OXR1: variants seen among roughly 807,000 people sequenced by gnomAD.
OXR1 encodes oxidation resistance protein 1.
OXR1 carries 41 observed loss-of-function variants against 104.6 expected under a neutral mutation model. The ratio of observed to expected loss-of-function variants is 0.39; its 90% CI spans 0.31 to 0.51. The LOEUF (loss-of-function observed/expected upper bound fraction) is 0.51, where lower values mean the gene tolerates loss of function less well. Ranked by LOEUF, OXR1 falls within the 20% of genes least tolerant of loss-of-function variation. OXR1 has a pLI of 0.77. For missense variants in OXR1, 955 were observed against 1,031.9 expected (o/e 0.93, Z 1.02); for synonymous variants, 348 against 348.4 (o/e 1.00, Z 0.01).
At chr8:106,512,904 A>G (rs1812631960) in intron 2 of OXR1, among the ~76,000 whole-genome samples, 1 of 152,190 alleles carries the variant, frequency 6.6e-6, no homozygotes, top group African/African-American at 2.4e-5. Context: ...TATTGAAATA[A>G]AGAATTGACC....
intron 1 of OXR1, among the ~76,000 whole-genome samples, chr8:106,331,997 AGTGTGTGTGTGTGTGTGTGTGTGT>A (rs3073756): frequency 7.2e-6 from 1 of 138,080 alleles, no homozygotes; most frequent in Admixed American, 7.3e-5. Flanking sequence ...GAAAGAACAT[AGTGTGTGTGTGTGTGTGTGTGTGT>A]GTGTGTGTGT....
chr8:106,364,184 C>T (rs1196970213), intron 2 of OXR1, among the ~76,000 whole-genome samples: 1 of 152,154 alleles, frequency 6.6e-6, no homozygotes, highest in African/African-American at 2.4e-5. Context: ...ATCTTCATTA[C>T]ATATGTATAT....
chr8:106,411,593 C>T (rs944315870), intron 2 of OXR1, among the ~76,000 whole-genome samples: 2 of 152,160 alleles, frequency 1.3e-5, no homozygotes, highest in African/African-American at 4.8e-5. Flanking sequence ...ATAGATGACA[C>T]CTACTTTCTG....
chr8:106,336,892 G>A (rs964748694), intron 1 of OXR1, among the ~76,000 whole-genome samples: 1 of 152,102 alleles, frequency 6.6e-6, no homozygotes, highest in Non-Finnish European at 1.5e-5. Flanking sequence ...ATTACCTAGA[G>A]TCATTTAGAT....
intron 1 of OXR1, among the ~76,000 whole-genome samples, chr8:106,291,149 G>A (rs1444911122): frequency 1.3e-5 from 2 of 152,180 alleles, no homozygotes; most frequent in Non-Finnish European, 2.9e-5. Flanking sequence ...CAGCAACATG[G>A]ATGGAGATGG....
chr8:106,540,313 C>A (rs755593816), intron 3 of OXR1, among the ~76,000 whole-genome samples: 7 of 151,996 alleles, frequency 4.6e-5, no homozygotes, highest in Admixed American at 6.6e-5. Context: ...GGTAAAAGTT[C>A]CAGAAAGATC....
intron 3 of OXR1, among the ~76,000 whole-genome samples, chr8:106,566,690 A>G (rs760516615): frequency 2.6e-5 from 4 of 152,208 alleles, no homozygotes; most frequent in Non-Finnish European, 5.9e-5. Flanking sequence ...TTATAGCACT[A>G]TTCACAATAG....
At chr8:106,292,998 G>C (rs1353587892) in intron 1 of OXR1, among the ~76,000 whole-genome samples, 1 of 152,202 alleles carries the variant, frequency 6.6e-6, no homozygotes, top group African/African-American at 2.4e-5. Flanking sequence ...TGAGAAGTAA[G>C]GACTGCTTGG....
chr8:106,295,492 T>G (rs1812957067), intron 1 of OXR1, among the ~76,000 whole-genome samples: 1 of 152,176 alleles, frequency 6.6e-6, no homozygotes, highest in South Asian at 2.1e-4. Flanking sequence ...TATGCACGAC[T>G]CATTATATGC....
At chr8:106,407,483 A>T (rs964754124) in intron 2 of OXR1, among the ~76,000 whole-genome samples, 1 of 152,342 alleles carries the variant, frequency 6.6e-6, no homozygotes, top group Non-Finnish European at 1.5e-5. Flanking sequence ...TAAGAAACAG[A>T]TTTATCAAAG....
At chr8:106,681,603 C>A (rs1286446612) in intron 4 of OXR1, among the ~76,000 whole-genome samples, 1 of 152,102 alleles carries the variant, frequency 6.6e-6, no homozygotes, top group Non-Finnish European at 1.5e-5. Flanking sequence ...CAGCTCACTG[C>A]AGCCTCAACT....
At chr8:106,740,666 G>A (rs1330211455) in intron 14 of OXR1, among the ~76,000 whole-genome samples, 171 bp downstream of exon 14, 1 of 152,140 alleles carries the variant, frequency 6.6e-6, no homozygotes, top group African/African-American at 2.4e-5. Flanking sequence ...GGATAGATAT[G>A]AGCATGATGA....
chr8:106,523,845 G>A (rs1451667821), intron 3 of OXR1, among the ~76,000 whole-genome samples: 1 of 151,852 alleles, frequency 6.6e-6, no homozygotes, highest in Non-Finnish European at 1.5e-5. Context: ...CACGATCTCG[G>A]CTCACTGCAA....
intron 11 of OXR1, among the ~76,000 whole-genome samples, chr8:106,725,822 TAAC>T (rs1314775303): frequency 1.3e-5 from 2 of 152,216 alleles, no homozygotes; most frequent in African/African-American, 2.4e-5. Context: ...TATGAACAAA[TAAC>T]AAAATGTTCA....
intron 2 of OXR1, among the ~76,000 whole-genome samples, chr8:106,474,229 G>C (rs1287535049): frequency 2.0e-5 from 3 of 151,364 alleles, no homozygotes; most frequent in African/African-American, 7.3e-5. Flanking sequence ...TCGAATGTCT[G>C]ATCATGAACA....
At chr8:106,380,221 T>C (rs1202417837) in intron 2 of OXR1, among the ~76,000 whole-genome samples, 1 of 147,014 alleles carries the variant, frequency 6.8e-6, no homozygotes, top group African/African-American at 2.7e-5. Context: ...ATATCATACA[T>C]TATATAGTCT....
chr8:106,695,223 TA>T (rs897410664), intron 7 of OXR1, among the ~76,000 whole-genome samples: 15 of 151,434 alleles, frequency 9.9e-5, no homozygotes, highest in African/African-American at 3.6e-4. Flanking sequence ...TCCACTTACT[TA>T]TTCCCTACAC....
intron 2 of OXR1, among the ~76,000 whole-genome samples, chr8:106,367,520 G>A (rs1478280203): frequency 6.6e-6 from 1 of 151,810 alleles, no homozygotes. Context: ...TATTAAATTA[G>A]AATTTAAAAA....
intron 3 of OXR1, among the ~76,000 whole-genome samples, chr8:106,528,653 G>A (rs929290066): frequency 1.3e-5 from 2 of 152,092 alleles, no homozygotes; most frequent in African/African-American, 2.4e-5. Flanking sequence ...TAACTTGTAC[G>A]CCTCTCATTT....
Sources: gnomAD v4.1 joint callset for allele counts (sites outside exome capture counted in the v4.1 genomes callset) on GRCh38, gnomAD v4.1.1 for gene constraint, MANE v1.5 for transcripts, NCBI Gene and HGNC (gene_info 2026-07-23, HGNC 2026-07-21) for gene names.